Variants in PCDHGB1 observed in about 807,000 individuals in gnomAD.
PCDHGB1 encodes the protein protocadherin gamma-B1.
Under a neutral mutation model 56.6 loss-of-function variants are expected in PCDHGB1, and 34 were observed. The observed-to-expected ratio is 0.60, with a 90% CI of 0.46 to 0.80. The LOEUF (loss-of-function observed/expected upper bound fraction) is 0.80. Ranked by LOEUF, PCDHGB1 falls within the 30% of genes least tolerant of loss-of-function variation. The pLI is 0.00. For synonymous variants in PCDHGB1, 561 were observed against 505.9 expected (o/e 1.11, Z -1.46); for missense variants, 1,278 against 1,204.6 (o/e 1.06, Z -0.90).
intron 1 of PCDHGB1, chr5:141,357,666 A>G (rs1478472346): frequency 1.9e-6 from 3 of 1,600,280 alleles, no homozygotes; most frequent in South Asian, 1.1e-5. Context: ...AAATATAGAC[A>G]AAGAGTTGTG....
Position 141,431,674 on chromosome 5 carries a change from G to T in PCDHGB1, c.2410-63133G>T. 6.2e-7 allele frequency: 1 copy of T among 1,614,234 alleles called. No homozygotes were observed. ...ATTCAGGGACAATATCAACAATAGG[G>T]GAGTTGGACCACGAGGAGTCAGGAT... is the stretch of plus-strand genomic sequence containing the variant. On this transcript the variant is annotated intron_variant, in intron 1 of 3. Transcript: ENST00000523390. This position sits in a 1 kb window ranked among gnomAD's most constrained non-coding sequence, Gnocchi z 4.8.
At chr5:141,461,011 A>G (rs971172615) in intron 1 of PCDHGB1, among the ~76,000 whole-genome samples, 2 of 151,288 alleles carry the variant, frequency 1.3e-5, no homozygotes, top group Non-Finnish European at 2.9e-5. Context: ...ATATATATAT[A>G]CCACATTTTC....
chr5:141,483,946 T>C (rs374723616), intron 1 of PCDHGB1, among the ~76,000 whole-genome samples: 127 of 148,696 alleles, frequency 8.5e-4, no homozygotes, highest in Non-Finnish European at 1.5e-3. Flanking sequence ...ACGGTGTGAA[T>C]TGTGTTGTGT....
At position 141,384,450 on chromosome 5, in the gene PCDHGB1, G is replaced by A. The variant is rs756281053; in HGVS notation, c.2409+31781G>A. On this transcript the variant is annotated intron_variant, in intron 1 of 3. Coordinates refer to ENST00000523390, the MANE Select transcript of PCDHGB1 (RefSeq NM_018922.3). ...CTGACACTGGAGTCCTGTACGCGCT[G>A]CAATCCTTTGATTATGAGCAGTTGA... is the stretch of plus-strand genomic sequence containing the variant. 4 of 1,614,040 alleles carry A rather than the reference G, an allele frequency of 2.5e-6. No homozygotes were observed. In the Admixed American group the frequency reaches 6.7e-5, roughly 27 times the overall value.
intron 1 of PCDHGB1, chr5:141,408,432 T>C (rs370073451): frequency 3.1e-6 from 5 of 1,613,972 alleles, no homozygotes; most frequent in Non-Finnish European, 4.2e-6. Flanking sequence ...CACTTCAGCG[T>C]AGACGCGGAG....
intron 1 of PCDHGB1, chr5:141,394,748 C>A: frequency 6.2e-7 from 1 of 1,613,414 alleles, no homozygotes. Flanking sequence ...TCGTGGTGGC[C>A]GTCCAGGACC....
chr5:141,506,380 T>C (rs1209879935), intron 3 of PCDHGB1, among the ~76,000 whole-genome samples: 1 of 141,314 alleles, frequency 7.1e-6, no homozygotes, highest in Non-Finnish European at 1.5e-5. Flanking sequence ...ACCTGGGAGG[T>C]GGCTGTGGTG....
At chr5:141,404,635 A>C (rs2094549114) in intron 1 of PCDHGB1, 1 of 1,614,130 alleles carries the variant, frequency 6.2e-7, no homozygotes, top group Non-Finnish European at 8.5e-7. Context: ...ATGCCCCAGA[A>C]ATCCTGTACC....
At position 141,485,698 on chromosome 5, in the gene PCDHGB1, T is replaced by C. The variant is rs1175015922; in HGVS notation, c.2410-9109T>C. ...TTAGCAGCTATAGGCTGAGCTCCAA[T>C]GAACACTTTGCACTGGATGTGAAGA... On this transcript the variant is annotated intron_variant, in intron 1 of 3. Transcript: ENST00000523390. This position sits in a 1 kb window ranked among gnomAD's most constrained non-coding sequence, Gnocchi z 5.7. 6.2e-7 allele frequency: 1 copy of C among 1,613,994 alleles called. No homozygotes were observed. The highest frequency in any genetic ancestry group is 8.5e-7 in the Non-Finnish European group (1 of 1,180,002).
chr5:141,434,440 T>C (rs1283641379), intron 1 of PCDHGB1, among the ~76,000 whole-genome samples: 2 of 152,238 alleles, frequency 1.3e-5, no homozygotes, highest in Non-Finnish European at 2.9e-5. Flanking sequence ...GTAATGCCCA[T>C]GCTGGAAGGT....
intron 1 of PCDHGB1, among the ~76,000 whole-genome samples, chr5:141,437,842 A>G (rs1372385076): frequency 2.0e-5 from 3 of 150,650 alleles, no homozygotes; most frequent in East Asian, 3.9e-4. Context: ...GGTTCATGCT[A>G]TTCTCCTGCC....
At chr5:141,404,354 G>C in intron 1 of PCDHGB1, 1 of 1,613,916 alleles carries the variant, frequency 6.2e-7, no homozygotes. Context: ...CAACGCCAGA[G>C]GTACTTCCAT....
chr5:141,504,077 G>A (rs939470644), intron 2 of PCDHGB1, among the ~76,000 whole-genome samples: 3 of 152,124 alleles, frequency 2.0e-5, no homozygotes, highest in Non-Finnish European at 2.9e-5. Context: ...GCCAGATGGT[G>A]CCAAACAGTT....
chr5:141,372,451 C>T, intron 1 of PCDHGB1: 1 of 1,614,042 alleles, frequency 6.2e-7, no homozygotes, highest in Non-Finnish European at 8.5e-7. Context: ...GACCCTCAGG[C>T]GGAGCTACAG....
At chr5:141,418,000 G>T in intron 1 of PCDHGB1, 1 of 1,613,902 alleles carries the variant, frequency 6.2e-7, no homozygotes, top group Non-Finnish European at 8.5e-7. Context: ...GCTCGGTGGT[G>T]GGGAACCTCG....
intron 1 of PCDHGB1, chr5:141,372,953 C>T (rs1217005690): frequency 1.5e-5 from 11 of 745,036 alleles, no homozygotes; most frequent in Non-Finnish European, 2.3e-5. Context: ...CTAGGAAATT[C>T]TTTGTAGAAT....
chr5:141,465,782 T>G (rs2099109563), intron 1 of PCDHGB1, among the ~76,000 whole-genome samples: 1 of 152,076 alleles, frequency 6.6e-6, no homozygotes, highest in African/African-American at 2.4e-5. Flanking sequence ...TGTTACAGTT[T>G]TTTTTTTTTT....
chr5:141,479,466 C>G (rs1004384273), intron 1 of PCDHGB1: 1 of 152,224 alleles, frequency 6.6e-6, no homozygotes, highest in Non-Finnish European at 1.5e-5. Flanking sequence ...AATACAGTGA[C>G]CTCTTGGGAG....
At position 141,494,787 on chromosome 5, in the gene PCDHGB1, T is replaced by G. The variant is rs763990551; in HGVS notation, c.2410-20T>G. The G allele has an allele frequency of 6.2e-7, 1 of 1,614,044 alleles. No individual in the cohort carries two copies. Among genetic ancestry groups the G allele is most frequent in the Non-Finnish European group, 8.5e-7 (1 of 1,179,990 alleles). On this transcript the variant is annotated intron_variant, in intron 1 of 3. Transcript: ENST00000523390. ...ACTTCTCACGGGTACTCAGCCCCTT[T>G]CCCTCTGTTTTCTCCACAGCAAGCC...
Sources: gnomAD v4.1 joint callset for allele counts (sites outside exome capture counted in the v4.1 genomes callset) on GRCh38, gnomAD v4.1.1 for gene constraint, Gnocchi (gnomAD v3.1) non-coding constraint, MANE v1.5 for transcripts, NCBI Gene and HGNC (gene_info 2026-07-23, HGNC 2026-07-21) for gene names.